The following GTF2IRD2 variants were observed in gnomAD, a reference collection of about 807,000 sequenced individuals.
GTF2IRD2 encodes general transcription factor II-I repeat domain-containing protein 2A.
In GTF2IRD2, 8 loss-of-function variants were observed where a neutral mutation model predicts 49.2. That is an observed-to-expected ratio of 0.16 (90% confidence interval 0.10 to 0.29). GTF2IRD2 has a LOEUF of 0.29. GTF2IRD2 is among the 10% of genes least tolerant of loss of function. The pLI, the probability that GTF2IRD2 is intolerant of heterozygous loss-of-function variation, is 1.00. For synonymous variants in GTF2IRD2, 47 were observed against 289.7 expected (o/e 0.16, Z 8.51); for missense variants, 130 against 725.7 (o/e 0.18, Z 9.43).
intron 3 of GTF2IRD2, among the ~76,000 whole-genome samples, chr7:74,825,773 G>A (rs1799323682): frequency 6.6e-6 from 1 of 151,880 alleles, no homozygotes; most frequent in Non-Finnish European, 1.5e-5. Flanking sequence ...TCAATGTAAG[G>A]GGCACAAGTA....
chr7:74,830,438 A>G (rs1799751004), intron 3 of GTF2IRD2, among the ~76,000 whole-genome samples: 1 of 147,216 alleles, frequency 6.8e-6, no homozygotes, highest in Non-Finnish European at 1.5e-5. Flanking sequence ...CAGAAGGTGG[A>G]GGTTTCAGTG....
rs1221581416 is a variant in GTF2IRD2 at position 74,836,889 on chromosome 7, C to CT, written c.-5-507dup. Reference sequence around the variant, plus strand: ...CCCTGCTAACTCTCTTTCTTTCTTTCTTTTTTTTTTGAGACTGAGTTTCAC... The same window carrying CT: ...CCCTGCTAACTCTCTTTCTTTCTTTCTTTTTTTTTTTGAGACTGAGTTTCAC... On this transcript the variant is annotated intron_variant, in intron 1 of 15. Transcript: ENST00000451013. Among the ~76,000 whole-genome samples the CT allele has an allele frequency of 9.3e-3, 1,220 of 130,690 alleles. 1 individual carries two copies. The highest frequency in any genetic ancestry group is 0.034 in the African/African-American group (1,112 of 32,304). The allele number at this position is 130,690 out of a possible 152,430, so 85.7% of individuals were successfully genotyped here.
At chr7:74,815,797 GGAAAGAAAGAAAGAAAGAAAGAAA>G (rs1189790776) in intron 8 of GTF2IRD2, among the ~76,000 whole-genome samples, 4 of 45,914 alleles carry the variant, frequency 8.7e-5, no homozygotes, top group South Asian at 7.5e-4. Context: ...AAAGAAAGAA[GGAAAGAAAGAAAGAAAGAAAGAAA>G]GAAAGAAAGA....
At chr7:74,809,857 G>A (rs1210354975) in intron 10 of GTF2IRD2, among the ~76,000 whole-genome samples, 1 of 112,554 alleles carries the variant, frequency 8.9e-6, no homozygotes, top group Non-Finnish European at 1.9e-5. Context: ...GGAATGGTGC[G>A]ATTTCGGCTC....
intron 2 of GTF2IRD2, among the ~76,000 whole-genome samples, chr7:74,834,786 G>T (rs1232141897): frequency 6.8e-5 from 7 of 102,936 alleles, no homozygotes; most frequent in Non-Finnish European, 1.1e-4. Flanking sequence ...ATAGCTTACT[G>T]CAGACTTGAA....
Position 74,836,332 on chromosome 7 carries a change from G to A in GTF2IRD2, c.47C>T (p.Ser16Phe). 1 of 1,608,836 alleles carries A rather than the reference G, an allele frequency of 6.2e-7. No homozygotes were observed. Reference sequence around the variant, plus strand: ...TGTCACCACCATCCTGGTCTCTGAGGAGGACTCTTCTTCAACAGGCAGGGT... The same window carrying A: ...TGTCACCACCATCCTGGTCTCTGAGAAGGACTCTTCTTCAACAGGCAGGGT... ...VSTLPVEEESSSETRMVVTFL... is the reference protein window; with the variant it reads ...VSTLPVEEESFSETRMVVTFL... Residue 16 changes from serine (S) to phenylalanine (F), a missense_variant, in exon 2 of 16, where the codon TCC becomes TTC. By Grantham distance (155) the Ser-to-Phe change is radical. Transcript: ENST00000451013.
chr7:74,841,916 G>C (rs1554421914), intron 1 of GTF2IRD2, among the ~76,000 whole-genome samples: 1 of 139,192 alleles, frequency 7.2e-6, no homozygotes, highest in African/African-American at 2.9e-5. Flanking sequence ...ACGAGGTCAA[G>C]AGATCGAGAC....
chr7:74,806,023 G>T, intron 12 of GTF2IRD2, among the ~76,000 whole-genome samples: 1 of 116,604 alleles, frequency 8.6e-6, no homozygotes. Flanking sequence ...GCTTCCCAAA[G>T]TGCTGAGATT....
chr7:74,799,140 C>T (rs1309271378), intron 15 of GTF2IRD2: 1 of 125,480 alleles, frequency 8.0e-6, no homozygotes, highest in Non-Finnish European at 1.6e-5. Flanking sequence ...CCGTGCCAGG[C>T]CTCATCCTTA....
At chr7:74,819,746 A>C in intron 7 of GTF2IRD2, 149 bp from the exon 8 acceptor site, 1 of 650,342 alleles carries the variant, frequency 1.5e-6, no homozygotes, top group Non-Finnish European at 2.7e-6. Flanking sequence ...CCATTTTAAC[A>C]TTAATGTCTT....
At chr7:74,831,099 A>T (rs1799804972) in intron 3 of GTF2IRD2, among the ~76,000 whole-genome samples, 1 of 150,832 alleles carries the variant, frequency 6.6e-6, no homozygotes. Context: ...TTATTTAAAG[A>T]TGGCTTCATT....
intron 1 of GTF2IRD2, among the ~76,000 whole-genome samples, chr7:74,836,871 A>C (rs1800392767): frequency 7.2e-6 from 1 of 138,444 alleles, no homozygotes. Context: ...CAACCCTGCT[A>C]ACTCTCTTTC....
At chr7:74,827,928 C>A (rs1395710682) in intron 3 of GTF2IRD2, among the ~76,000 whole-genome samples, 1 of 32,356 alleles carries the variant, frequency 3.1e-5, no homozygotes, top group Non-Finnish European at 4.8e-5. Context: ...TCAAGCGATT[C>A]TCCTGCCTCT....
Position 74,798,222 on chromosome 7 carries a change from T to C in GTF2IRD2, c.1290A>G (p.Glu430=). The change falls in exon 16 of 16, where the codon GAA becomes GAG. Residue 430 remains glutamate (E), a synonymous_variant. Coordinates refer to ENST00000451013, the MANE Select transcript of GTF2IRD2 (RefSeq NM_173537.5). ...KIDQEGRVFQ[E]KWERAYFFVE... Reference sequence around the variant, plus strand: ...CGAAGAAATACGCTCTCTCCCACTTTTCTTGAAACACACGGCCCTCCTGGT... The same window carrying C: ...CGAAGAAATACGCTCTCTCCCACTTCTCTTGAAACACACGGCCCTCCTGGT... 1 of 813,772 alleles carries C rather than the reference T, an allele frequency of 1.2e-6. No homozygotes were observed. Among genetic ancestry groups the C allele is most frequent in the East Asian group, 2.5e-5 (1 of 40,148 alleles). The allele number at this position is 813,772 out of a possible 1,614,324, so 50.4% of individuals were successfully genotyped here.
Position 74,796,433 on chromosome 7 carries a change from A to C in GTF2IRD2, c.*229T>G, listed in dbSNP as rs1355832407. On this transcript the variant is annotated 3_prime_UTR_variant, in exon 16 of 16. Transcript: ENST00000451013. ...AAAAATTAGCCAGGCATGGTGGCGC[A>C]CGCCTGTAGTCCCAGCTGCTCGGGA... 5.2e-5 allele frequency: 27 copies of C among 518,914 alleles called. No individual in the cohort carries two copies. In the Admixed American group the frequency reaches 8.0e-4, roughly 15 times the overall value. 32.1% of individuals were successfully genotyped at this position (518,914 alleles called of 1,614,324 possible). A position where few individuals can be genotyped will look rare whatever the true frequency, so the allele number is the denominator to read the frequency against.
At chr7:74,827,026 A>G (rs1554419796) in intron 3 of GTF2IRD2, among the ~76,000 whole-genome samples, 1 of 151,422 alleles carries the variant, frequency 6.6e-6, no homozygotes, top group Non-Finnish European at 1.5e-5. Context: ...ATTCTTTTTT[A>G]TGGCTGAATA....
In GTF2IRD2 at chr7:74,851,176, C is replaced by T. The variant is rs587596705; in HGVS notation, c.-6+191G>A. Among the ~76,000 whole-genome samples, 2 of 41,264 alleles carry T rather than the reference C, an allele frequency of 4.8e-5. 1 individual carries two copies. Among genetic ancestry groups the T allele is most frequent in the Non-Finnish European group, 8.2e-5 (2 of 24,446 alleles). The allele number at this position is 41,264 out of a possible 152,430, so 27.1% of individuals were successfully genotyped here. ...CGCGGCAAGGCTTCCCCGCCCCCAC[C>T]CTCACACCTCTGGTCCTGCCAGCAG... On this transcript the variant is annotated intron_variant, in intron 1 of 15. Coordinates refer to ENST00000451013, the MANE Select transcript of GTF2IRD2 (RefSeq NM_173537.5).
chr7:74,834,649 G>A (rs1275623340), intron 2 of GTF2IRD2, among the ~76,000 whole-genome samples: 1 of 103,074 alleles, frequency 9.7e-6, no homozygotes, highest in South Asian at 3.0e-4. Flanking sequence ...GTGGGATTAC[G>A]GGCGTGAGCC....
At chr7:74,809,950 C>T (rs1182115351) in intron 10 of GTF2IRD2, among the ~76,000 whole-genome samples, 5 of 46,162 alleles carry the variant, frequency 1.1e-4, no homozygotes, top group African/African-American at 3.4e-4. Context: ...CCTGCCACCA[C>T]GCCTGGCTAA....
Sources: allele counts gnomAD v4.1 joint callset (sites outside exome capture counted in the v4.1 genomes callset), GRCh38; gene constraint gnomAD v4.1.1; transcripts MANE v1.5; gene names NCBI Gene and HGNC (gene_info 2026-07-23, HGNC 2026-07-21).